PALM: variants seen among roughly 807,000 people sequenced by gnomAD.
PALM encodes the protein paralemmin.
In PALM, 18 loss-of-function variants were observed where a neutral mutation model predicts 30.7. That is an observed-to-expected ratio of 0.59 (90% CI 0.41 to 0.87). The LOEUF (loss-of-function observed/expected upper bound fraction) is 0.87. PALM is among the 40% of genes least tolerant of loss of function. The pLI, the probability that PALM is intolerant of heterozygous loss-of-function variation, is 0.00. For missense variants in PALM, 529 were observed against 555.4 expected (o/e 0.95, Z 0.48); for synonymous variants, 286 against 242.8 (o/e 1.18, Z -1.66).
At chr19:727,949 C>T (rs937811932) in intron 4 of PALM, 1 of 450,464 alleles carries the variant, frequency 2.2e-6, no homozygotes, top group Non-Finnish European at 3.9e-6. Flanking sequence ...ACCCCTTTCC[C>T]TTCCCACCGC....
intron 1 of PALM, among the ~76,000 whole-genome samples, chr19:712,712 G>A (rs192283361): frequency 6.1e-4 from 87 of 143,536 alleles, no homozygotes; most frequent in Non-Finnish European, 9.4e-4. Flanking sequence ...GTCTCTCTCT[G>A]TCACCCAGAC....
intron 8 of PALM, among the ~76,000 whole-genome samples, chr19:740,737 A>AC (rs1333933721): frequency 7.9e-5 from 12 of 152,186 alleles, no homozygotes; most frequent in Admixed American, 4.6e-4. Flanking sequence ...GGCACCAGGT[A>AC]CCCAGCTGGG....
chr19:747,007 C>T lies in PALM; in HGVS notation c.*193C>T, dbSNP rs1177995240. ...CCACCCGTCACCACGCCCCAACACT[C>T]CCCCCGAACCAGAGCCGTGCACTTG... On this transcript the variant is annotated 3_prime_UTR_variant, in exon 9 of 9. Transcript: ENST00000338448. The T allele has an allele frequency of 1.0e-5, 6 of 586,288 alleles. No individual in the cohort carries two copies. Among genetic ancestry groups the T allele is most frequent in the African/African-American group, 1.9e-5 (1 of 53,400 alleles). The allele number at this position is 586,288 out of a possible 1,614,324, so 36.3% of individuals were successfully genotyped here.
In PALM at chr19:742,211, C is replaced by T. The variant is rs2033213949; in HGVS notation, c.634+1728C>T. On this transcript the variant is annotated intron_variant, in intron 8 of 8. Coordinates refer to ENST00000338448, the MANE Select transcript of PALM (RefSeq NM_002579.3). This position sits in a 1 kb window ranked among gnomAD's most constrained non-coding sequence, Gnocchi z 5.5. ...CCCCATCAGCTGTCACTTCCTGTCCCCTCCCCAGTCAGCGTCACTCCCTAT... is the reference window on the plus strand; with the variant it reads ...CCCCATCAGCTGTCACTTCCTGTCCTCTCCCCAGTCAGCGTCACTCCCTAT... 6.6e-6 allele frequency among the ~76,000 whole-genome samples: 1 copy of T among 152,046 alleles called. No homozygotes were observed.
In PALM at chr19:727,650, G is replaced by A. The variant is rs2032731611; in HGVS notation, c.225G>A (p.Gln75=). The part of the protein sequence containing the change: ...EGDEDLRRQM[Q]DDEQKTRLLE... Reference sequence around the variant, plus strand: ...ATGAGGACCTGAGGAGGCAGATGCAGGACGACGAGCAGAAGACACGGCTGC... The same window carrying A: ...ATGAGGACCTGAGGAGGCAGATGCAAGACGACGAGCAGAAGACACGGCTGC... The change falls in exon 4 of 9, where the codon CAG becomes CAA. Residue 75 remains glutamine (Q), a synonymous_variant. Transcript: ENST00000338448. The A allele has an allele frequency of 6.4e-7, 1 of 1,570,636 alleles. No homozygotes were observed. Among genetic ancestry groups the A allele is most frequent in the East Asian group, 2.3e-5 (1 of 42,860 alleles).
rs906580265 is a variant in PALM at position 709,084 on chromosome 19, C to A, written c.-63C>A. 2.5e-4 allele frequency: 66 copies of A among 261,548 alleles called. No homozygotes were observed. The highest frequency in any genetic ancestry group is 1.5e-3 in the African/African-American group (65 of 43,634). The allele number at this position is 261,548 out of a possible 1,614,324, so 16.2% of individuals were successfully genotyped here. ...CCGCGTCCCCCTCCCCTCCCCTCCC[C>A]CGCGCGCCACCCGCGCCCGCCCCCG... On this transcript the variant is annotated 5_prime_UTR_variant, in exon 1 of 9. Transcript: ENST00000338448. This position sits in a 1 kb window ranked among gnomAD's most constrained non-coding sequence, Gnocchi z 4.3.
chr19:718,010 C>T (rs548071852), intron 1 of PALM, among the ~76,000 whole-genome samples: 6 of 152,144 alleles, frequency 3.9e-5, no homozygotes, highest in African/African-American at 1.4e-4. Context: ...GGTGAAACCC[C>T]GTCTCTACTA....
chr19:710,643 G>C (rs1289406964), intron 1 of PALM, among the ~76,000 whole-genome samples: 3 of 148,674 alleles, frequency 2.0e-5, no homozygotes, highest in African/African-American at 7.4e-5. Flanking sequence ...GCCCAGAGAG[G>C]AGCTGCTGCC....
chr19:710,144 C>T (rs55927336), intron 1 of PALM, among the ~76,000 whole-genome samples: 13,521 of 152,174 alleles, frequency 0.089, 642 homozygotes, highest in Middle Eastern at 0.16. Flanking sequence ...GACCGAAGAC[C>T]GGATCTGGAG....
At chr19:724,737 C>T (rs552426111) in intron 1 of PALM, among the ~76,000 whole-genome samples, 1 of 152,262 alleles carries the variant, frequency 6.6e-6, no homozygotes, top group East Asian at 1.9e-4. Flanking sequence ...CCACCTTAGC[C>T]TCCCGAGTAG....
At chr19:728,409 T>C (rs1241586484) in intron 4 of PALM, among the ~76,000 whole-genome samples, 1 of 152,114 alleles carries the variant, frequency 6.6e-6, no homozygotes, top group African/African-American at 2.4e-5. Flanking sequence ...AGACGCTGGG[T>C]TCTGACCCCG....
rs117818394 is a variant in PALM, at chr19:740,314, G to A, written c.503-38G>A. ...CAGCCCGGCGGGGGGGTGCGGGGGC[G>A]GGCAGGCCGTGGTGTAACCCCGTGA... On this transcript the variant is annotated intron_variant, in intron 7 of 8. Coordinates refer to ENST00000338448, the MANE Select transcript of PALM (RefSeq NM_002579.3). 459 of 1,522,110 alleles carry A rather than the reference G, an allele frequency of 3.0e-4. 3 individuals carry two copies. The East Asian group carries it at 0.01, about 35-fold the overall frequency. The allele number at this position is 1,522,110 out of a possible 1,614,324, so 94.3% of individuals were successfully genotyped here.
rs1353288244 is a variant in PALM at position 747,918 on chromosome 19, A to G, written c.*1104A>G. ...CAGCTACACTCGTCCCCAGAGGCAC[A>G]TTCGTGCACATTCTCACAGACACCG... On this transcript the variant is annotated 3_prime_UTR_variant, in exon 9 of 9. Transcript: ENST00000338448. The G allele has an allele frequency of 6.6e-6, 1 of 152,598 alleles. No homozygotes were observed. The highest frequency in any genetic ancestry group is 1.5e-5 in the Non-Finnish European group (1 of 68,048). 9.5% of individuals were successfully genotyped at this position (152,598 alleles called of 1,614,324 possible).
intron 1 of PALM, among the ~76,000 whole-genome samples, chr19:723,594 T>C (rs2032565901): frequency 1.3e-5 from 2 of 151,520 alleles, no homozygotes; most frequent in South Asian, 4.2e-4. Flanking sequence ...TTTTGTTGTT[T>C]TGTTTTGTTT....
rs769779092 is a variant in PALM, at chr19:734,217, G to A, written c.442+23G>A. 9.3e-6 allele frequency: 15 copies of A among 1,612,102 alleles called. 1 individual carries two copies. The highest frequency in any genetic ancestry group is 3.3e-5 in the South Asian group (3 of 91,016). On this transcript the variant is annotated intron_variant, in intron 6 of 8. Coordinates refer to ENST00000338448, the MANE Select transcript of PALM (RefSeq NM_002579.3). ...AAGGTAGGACCTCTGGAAGGAACTC[G>A]TGGGGCCTCGGCGCACTCTGGTGGC...
rs536261323 is a variant in PALM at position 731,291 on chromosome 19, G to A, written c.420+46G>A. ...AGCGGATCCCCAGGCACCCACTCCC[G>A]CTGGCCCCAGAGCGAGGCCCCAGCC... On this transcript the variant is annotated intron_variant, in intron 5 of 8. Transcript: ENST00000338448. 8.5e-6 allele frequency: 13 copies of A among 1,524,964 alleles called. No homozygotes were observed. The East Asian group carries it at 9.4e-5, about 11-fold the overall frequency. 94.5% of individuals were successfully genotyped at this position (1,524,964 alleles called of 1,614,324 possible). A position where few individuals can be genotyped will look rare whatever the true frequency, so the allele number is the denominator to read the frequency against.
Position 719,754 on chromosome 19 carries a change from C to T in PALM, c.6-6384C>T, listed in dbSNP as rs941359918. 6 of 523,038 alleles carry T rather than the reference C, an allele frequency of 1.1e-5. No individual in the cohort carries two copies. The African/African-American group carries it at 1.3e-4, about 11-fold the overall frequency. 32.4% of individuals were successfully genotyped at this position (523,038 alleles called of 1,614,324 possible). A position where few individuals can be genotyped will look rare whatever the true frequency, so the allele number is the denominator to read the frequency against. ...CCGATCACACGGGAATGAGACTCCC[C>T]CGCGCCTGGCGGGCCCCGCCCGCAG... On this transcript the variant is annotated intron_variant, in intron 1 of 8. Coordinates refer to ENST00000338448, the MANE Select transcript of PALM (RefSeq NM_002579.3).
Position 727,014 on chromosome 19 carries a change from C to A in PALM, c.64C>A (p.Arg22=). The change falls in exon 3 of 9, where the codon CGG becomes AGG. Residue 22 remains arginine, a synonymous_variant. Coordinates refer to ENST00000338448, the MANE Select transcript of PALM (RefSeq NM_002579.3). The part of the protein sequence containing the change: ...QERLQAIAEK[R]KRQAEIENKR... Reference sequence around the variant, plus strand: ...CACCCGGCCCTCCCCACAGGAGAAGCGGAAGCGGCAGGCGGAGATCGAGAA... The same window carrying A: ...CACCCGGCCCTCCCCACAGGAGAAGAGGAAGCGGCAGGCGGAGATCGAGAA... 7.0e-7 allele frequency: 1 copy of A among 1,438,484 alleles called. No individual in the cohort carries two copies. Among genetic ancestry groups the A allele is most frequent in the Non-Finnish European group, 9.4e-7 (1 of 1,058,800 alleles). 89.1% of individuals were successfully genotyped at this position (1,438,484 alleles called of 1,614,324 possible). A position where few individuals can be genotyped will look rare whatever the true frequency, so the allele number is the denominator to read the frequency against.
In PALM at chr19:709,572, C is replaced by G. The variant is rs997819950; in HGVS notation, c.5+421C>G. On this transcript the variant is annotated intron_variant, in intron 1 of 8. Transcript: ENST00000338448. This position sits in a 1 kb window ranked among gnomAD's most constrained non-coding sequence, Gnocchi z 4.3. ...CGGCCTCGCGCTCACGCACCCTTCC[C>G]CCGCCCCAGTCTGAGCGCACGGCTC... Among the ~76,000 whole-genome samples the G allele has an allele frequency of 6.6e-6, 1 of 152,226 alleles. No individual in the cohort carries two copies. The highest frequency in any genetic ancestry group is 1.5e-5 in the Non-Finnish European group (1 of 67,972).
Sources: gnomAD v4.1 joint callset for allele counts (sites outside exome capture counted in the v4.1 genomes callset) on GRCh38, gnomAD v4.1.1 for gene constraint, Gnocchi (gnomAD v3.1) non-coding constraint, MANE v1.5 for transcripts, NCBI Gene and HGNC (gene_info 2026-07-23, HGNC 2026-07-21) for gene names.